Variants in THOC5 observed in about 807,000 individuals in gnomAD.
THOC5 encodes the protein Fms-interacting protein.
In THOC5, 43 loss-of-function variants were observed where a neutral mutation model predicts 92.9. The observed-to-expected ratio is 0.46, with a 90% CI of 0.36 to 0.60. The LOEUF is 0.60. THOC5 is among the 20% of genes least tolerant of loss of function. The pLI, the probability that THOC5 is intolerant of heterozygous loss-of-function variation, is 0.00. For missense variants in THOC5, 659 were observed against 849.4 expected (o/e 0.78, Z 2.79); for synonymous variants, 296 against 320.1 (o/e 0.92, Z 0.80).
chr22:29,522,979 C>A (rs571873614), intron 12 of THOC5, among the ~76,000 whole-genome samples: 40 of 151,950 alleles, frequency 2.6e-4, no homozygotes, highest in African/African-American at 9.7e-4. Context: ...CCAGCCTGGG[C>A]GACAGAGCGA....
intron 12 of THOC5, among the ~76,000 whole-genome samples, chr22:29,521,526 A>G (rs571175770): frequency 4.6e-5 from 7 of 152,302 alleles, no homozygotes; most frequent in Admixed American, 4.6e-4. Flanking sequence ...CAATTTTCAT[A>G]AAAGCAGAAC....
At chr22:29,521,141 A>G in intron 12 of THOC5, 42 bp from the exon 13 acceptor site, 1 of 1,443,260 alleles carries the variant, frequency 6.9e-7, no homozygotes, top group Non-Finnish European at 9.8e-7. Context: ...TGCAGCCAAC[A>G]TCTTTCTTCA....
chr22:29,527,305 G>A (rs538357500), intron 11 of THOC5, among the ~76,000 whole-genome samples: 43 of 152,234 alleles, frequency 2.8e-4, no homozygotes, highest in African/African-American at 9.9e-4. Context: ...TGTAGCCCCC[G>A]CTACTTGGGA....
intron 13 of THOC5, among the ~76,000 whole-genome samples, chr22:29,520,776 G>A (rs1028780201): frequency 6.6e-6 from 1 of 152,186 alleles, no homozygotes; most frequent in Non-Finnish European, 1.5e-5. Context: ...GATTACAGGC[G>A]TGAGCCACCA....
intron 3 of THOC5, among the ~76,000 whole-genome samples, chr22:29,543,838 G>A (rs2063954725): frequency 6.6e-6 from 1 of 152,130 alleles, no homozygotes; most frequent in Admixed American, 6.5e-5. Flanking sequence ...CCCAGCAATA[G>A]TAACATCTTG....
intron 6 of THOC5, among the ~76,000 whole-genome samples, 200 bp from the exon 7 acceptor site, chr22:29,536,938 A>T (rs1429281513): frequency 6.6e-6 from 1 of 152,240 alleles, no homozygotes; most frequent in Non-Finnish European, 1.5e-5. Context: ...CCTGGAAGAC[A>T]GGGACTTTGC....
intron 12 of THOC5, 34 bp from the exon 13 acceptor site, chr22:29,521,133 C>T (rs189868089): frequency 2.0e-5 from 30 of 1,484,184 alleles, no homozygotes; most frequent in Non-Finnish European, 2.6e-5. Flanking sequence ...AGTGAGAATG[C>T]AGCCAACATC....
intron 8 of THOC5, 102 bp from the exon 9 acceptor site, chr22:29,529,341 G>A: frequency 8.1e-7 from 1 of 1,233,988 alleles, no homozygotes; most frequent in Non-Finnish European, 1.2e-6. Context: ...CCTCTGCCCA[G>A]CTCCTTGCTG....
At chr22:29,541,893 AAT>A (rs55924406) in intron 5 of THOC5, among the ~76,000 whole-genome samples, 1,571 of 73,662 alleles carry the variant, frequency 0.021, 27 homozygotes, top group African/African-American at 0.042. Context: ...AAAAAAAAAA[AAT>A]ATATATATAT....
At chr22:29,511,044 T>C (rs1356468071) in intron 19 of THOC5, 62 bp downstream of exon 19, 1 of 1,540,728 alleles carries the variant, frequency 6.5e-7, no homozygotes, top group Non-Finnish European at 8.8e-7. Context: ...CCAGAAAATC[T>C]GGCTCTGATC....
At chr22:29,535,758 T>C (rs1270778940) in intron 7 of THOC5, 1 of 152,188 alleles carries the variant, frequency 6.6e-6, no homozygotes, top group Non-Finnish European at 1.5e-5. Context: ...ACTTTTAATT[T>C]CTGCTCTATC....
chr22:29,536,860 A>C (rs1344215219), intron 6 of THOC5, 122 bp from the exon 7 acceptor site: 1 of 674,878 alleles, frequency 1.5e-6, no homozygotes. Context: ...TTTATCCAGC[A>C]CTCAATGTGT....
intron 11 of THOC5, 80 bp from the exon 12 acceptor site, chr22:29,526,026 TG>T (rs1403128466): frequency 2.4e-5 from 10 of 418,878 alleles, no homozygotes; most frequent in Middle Eastern, 4.1e-4. Context: ...GGTAGTAAGG[TG>T]GGGGGGTCAA....
At chr22:29,520,854 G>C in intron 13 of THOC5, 144 bp downstream of exon 13, 1 of 682,752 alleles carries the variant, frequency 1.5e-6, no homozygotes, top group Non-Finnish European at 2.6e-6. Flanking sequence ...TTGTAAGCAA[G>C]AAAGAACAAA....
intron 8 of THOC5, 69 bp from the exon 9 acceptor site, chr22:29,529,308 G>T (rs2063607608): frequency 6.6e-7 from 1 of 1,514,718 alleles, no homozygotes; most frequent in African/African-American, 1.4e-5. Context: ...GAGTAGGCCA[G>T]CTCTGGGGCT....
At position 29,525,941 on chromosome 22, in the gene THOC5, T is replaced by C. The variant is rs141439716; in HGVS notation, c.1072A>G (p.Ser358Gly). ...VMLDLKCKDD[S>G]VLHLTFYYLM... ...TAGTAGAAAGTCAGGTGAAGCACAC[T>C]GTCATCTGGAGGGGAGGAAGATGAG... The change falls in exon 12 of 20, where the codon AGT becomes GGT. Residue 358 changes from serine to glycine, a missense_variant. Ser to Gly is a moderately conservative substitution (Grantham distance 56, BLOSUM62 0). Coordinates refer to ENST00000490103, the MANE Select transcript of THOC5 (RefSeq NM_003678.5). The C allele has an allele frequency of 3.1e-6, 5 of 1,609,872 alleles. No individual in the cohort carries two copies. The African/African-American group carries it at 5.4e-5, about 17-fold the overall frequency.
rs896980587 is a variant in THOC5, at chr22:29,513,785, G to A, written c.1682-1649C>T. The A allele has an allele frequency of 3.3e-5, 5 of 152,100 alleles. No homozygotes were observed. In the East Asian group the frequency reaches 7.7e-4, roughly 23 times the overall value. The allele number at this position is 152,100 out of a possible 1,614,324, so 9.4% of individuals were successfully genotyped here. ...GGCTGAGGCAGAAGGATGGTTTGAA[G>A]CCAGAAGTTTAAGACCAGCCTGGTC... On this transcript the variant is annotated intron_variant, in intron 17 of 19. Transcript: ENST00000490103.
At chr22:29,546,759 T>A (rs1471241210) in intron 2 of THOC5, among the ~76,000 whole-genome samples, 1 of 151,930 alleles carries the variant, frequency 6.6e-6, no homozygotes, top group African/African-American at 2.4e-5. Context: ...TTTTCTACTG[T>A]GTCATCAGGC....
intron 3 of THOC5, 133 bp from the exon 4 acceptor site, chr22:29,543,675 C>A: frequency 3.6e-5 from 20 of 560,846 alleles, no homozygotes; most frequent in Middle Eastern, 4.3e-4. Flanking sequence ...TGAGAAGGGT[C>A]ATGAAGAAAA....
Sources: gnomAD v4.1 joint callset for allele counts (sites outside exome capture counted in the v4.1 genomes callset) on GRCh38, gnomAD v4.1.1 for gene constraint, MANE v1.5 for transcripts, NCBI Gene and HGNC (gene_info 2026-07-23, HGNC 2026-07-21) for gene names.